The following AP4M1 variants were observed in gnomAD, a reference collection of about 807,000 sequenced individuals.
AP4M1 encodes the protein adaptor related protein complex 4 subunit mu 1.
Under a neutral mutation model 62.4 loss-of-function variants are expected in AP4M1, and 58 were observed. The observed-to-expected ratio is 0.93, with a 90% confidence interval of 0.75 to 1.16. The LOEUF (loss-of-function observed/expected upper bound fraction) is 1.16. Among genes scored for constraint, AP4M1 ranks in the 50% most tolerant of loss-of-function variants. AP4M1 has a pLI of 0.00. For missense variants in AP4M1, 626 were observed against 585.4 expected, an observed-to-expected ratio of 1.07 and a Z score of -0.72; for synonymous variants, 290 against 239.7, an observed-to-expected ratio of 1.21 and a Z score of -1.94.
chr7:100,101,529 T>C (rs1796029849), upstream of AP4M1: 5 of 790,708 alleles, frequency 6.3e-6, no homozygotes, highest in South Asian at 4.6e-5. Flanking sequence ...GGGGAGGCGG[T>C]GCGGGCGTCG....
At position 100,101,726 on chromosome 7, in the gene AP4M1, A is replaced by G. The variant is rs568292146; in HGVS notation, c.12A>G (p.Gln4=). The part of the protein sequence containing the change: MIS[Q]FFILSSKGDP... The stretch of plus-strand genomic sequence containing the variant: ...TCTCCAGAACGGCCATGATTTCCCA[A>G]TTCTTCATTCTGTCCTCCAAGGGGG... Residue 4 remains glutamine (Q), a synonymous_variant, in exon 1 of 15, where the codon CAA becomes CAG. Coordinates refer to ENST00000359593, the MANE Select transcript of AP4M1 (RefSeq NM_004722.4). 69 of 1,584,506 alleles carry G rather than the reference A, an allele frequency of 4.4e-5. No individual in the cohort carries two copies. The highest frequency in any genetic ancestry group is 1.7e-4 in the Middle Eastern group (1 of 5,918).
In AP4M1 at chr7:100,101,675, C is replaced by A. The variant is rs762699590; in HGVS notation, c.-40C>A. The stretch of plus-strand genomic sequence containing the variant: ...TCCGGGGCCGCAGGGCGGGGCAGGC[C>A]CGACTTTCGCCGTCTTCTTGTCTAC... On this transcript the variant is annotated 5_prime_UTR_variant, in exon 1 of 15. Transcript: ENST00000359593. The A allele has an allele frequency of 6.3e-7, 1 of 1,591,934 alleles. No homozygotes were observed. Among genetic ancestry groups the A allele is most frequent in the Non-Finnish European group, 8.6e-7 (1 of 1,160,556 alleles).
Position 100,107,588 on chromosome 7 carries a change from A to G in AP4M1, c.*706A>G, listed in dbSNP as rs1156740822. On this transcript the variant is annotated 3_prime_UTR_variant, in exon 15 of 15. Transcript: ENST00000359593. Reference sequence around the variant, plus strand: ...TGGTGACGGGCGAAGTGGTGGTGGAACCTGAGCCGGGGGCCGAGGTGCTGA... The same window carrying G: ...TGGTGACGGGCGAAGTGGTGGTGGAGCCTGAGCCGGGGGCCGAGGTGCTGA... 1 of 1,613,478 alleles carries G rather than the reference A, an allele frequency of 6.2e-7. No individual in the cohort carries two copies. The highest frequency in any genetic ancestry group is 2.2e-5 in the East Asian group (1 of 44,862).
In AP4M1 at chr7:100,108,282, C is replaced by G; in HGVS notation, c.*1400C>G. The G allele has an allele frequency of 6.7e-7, 1 of 1,499,598 alleles. No homozygotes were observed. The highest frequency in any genetic ancestry group is 8.9e-7 in the Non-Finnish European group (1 of 1,125,384). The allele number at this position is 1,499,598 out of a possible 1,614,324, so 92.9% of individuals were successfully genotyped here. On this transcript the variant is annotated 3_prime_UTR_variant, in exon 15 of 15. Transcript: ENST00000359593. ...TTGCCCTGAGACTACTGACTGAGGG[C>G]ACATGTGGCTGTGTGCAAGTGCCTG...
At position 100,105,075 on chromosome 7, in the gene AP4M1, G is replaced by C. The variant is rs149820983; in HGVS notation, c.704G>C (p.Cys235Ser). The change falls in exon 9 of 15, where the codon TGT becomes TCT. Residue 235 changes from cysteine to serine, a missense_variant. Transcript: ENST00000359593. ...EMRIGLTEEF[C>S]VGKSELRGYG... ...CGCATTGGCTTGACGGAAGAGTTTT[G>C]TGTGGGGAAGTCAGAGCTGAGAGGT... The C allele has an allele frequency of 6.2e-7, 1 of 1,614,172 alleles. No individual in the cohort carries two copies. Among genetic ancestry groups the C allele is most frequent in the Non-Finnish European group, 8.5e-7 (1 of 1,180,040 alleles).
chr7:100,107,027 C>G lies in AP4M1; in HGVS notation c.*145C>G, dbSNP rs1796572699. 8.1e-7 allele frequency: 1 copy of G among 1,232,454 alleles called. No individual in the cohort carries two copies. Among genetic ancestry groups the G allele is most frequent in the Non-Finnish European group, 1.1e-6 (1 of 872,324 alleles). The allele number at this position is 1,232,454 out of a possible 1,614,324, so 76.3% of individuals were successfully genotyped here. On this transcript the variant is annotated 3_prime_UTR_variant, in exon 15 of 15. Coordinates refer to ENST00000359593, the MANE Select transcript of AP4M1 (RefSeq NM_004722.4). ...CCAAGACCAGGAGGGGGCAATGGGC[C>G]CAGCCTTTCTGTGGTATCTGATGCA...
intron 2 of AP4M1, chr7:100,102,361 A>T: frequency 2.0e-6 from 1 of 509,320 alleles, no homozygotes; most frequent in East Asian, 3.7e-5. Context: ...ACCGCACTCC[A>T]GCCTGGGAGA....
chr7:100,104,031 TGTCC>T (rs1367417047), intron 6 of AP4M1, 57 bp from the exon 7 acceptor site: 15 of 1,450,668 alleles, frequency 1.0e-5, no homozygotes, highest in Admixed American at 8.4e-5. Flanking sequence ...TCTCCCTGTC[TGTCC>T]ATTTCAGAAC....
chr7:100,101,354 C>G (rs1796018474), upstream of AP4M1: 2 of 1,607,894 alleles, frequency 1.2e-6, no homozygotes, highest in South Asian at 1.1e-5. Context: ...CCTGGGGAAG[C>G]TGAGAATCTC....
In AP4M1 at chr7:100,106,289, C is replaced by G; in HGVS notation, c.1023C>G (p.Val341=). The change falls in exon 13 of 15, where the codon GTC becomes GTG. Residue 341 remains valine (V), a splice_region_variant and synonymous_variant. Transcript: ENST00000359593. The stretch of plus-strand genomic sequence containing the variant: ...ACCTCCCCCTGCCTCGAGGGGTGGT[C>G]AGGTGAGTGTGTGCACCCACCACGG... ...RLHLPLPRGV[V]SLSQELSSPE... 7 of 1,614,006 alleles carry G rather than the reference C, an allele frequency of 4.3e-6. No homozygotes were observed. Among genetic ancestry groups the G allele is most frequent in the Non-Finnish European group, 5.9e-6 (7 of 1,179,996 alleles).
rs1348528601 is a variant in AP4M1, at chr7:100,107,927, T to C, written c.*1045T>C. The C allele has an allele frequency of 6.2e-7, 1 of 1,607,266 alleles. No individual in the cohort carries two copies. Among genetic ancestry groups the C allele is most frequent in the Admixed American group, 1.7e-5 (1 of 59,734 alleles). On this transcript the variant is annotated 3_prime_UTR_variant, in exon 15 of 15. Transcript: ENST00000359593. ...TCCCTGTCCCACAGCTCTGCATACC[T>C]GCTGGGTGGATGGGGCGCTGGAGGA...
chr7:100,104,490 C>T (rs369044143), intron 7 of AP4M1, among the ~76,000 whole-genome samples: 2 of 151,492 alleles, frequency 1.3e-5, no homozygotes, highest in African/African-American at 2.4e-5. Flanking sequence ...AGTCACTGCA[C>T]GCTAGCCCGG....
chr7:100,101,843 G>A (rs1196185012), intron 1 of AP4M1, 37 bp from the exon 2 acceptor site: 2 of 1,612,382 alleles, frequency 1.2e-6, no homozygotes, highest in African/African-American at 2.7e-5. Flanking sequence ...GCCAGCCTGT[G>A]TCGCAGGATC....
At chr7:100,106,044 A>T in intron 12 of AP4M1, 41 bp downstream of exon 12, 3 of 1,611,676 alleles carry the variant, frequency 1.9e-6, no homozygotes, top group Non-Finnish European at 2.5e-6. Flanking sequence ...GCTCTATGGG[A>T]CGGAAGACAG....
chr7:100,105,026 A>T lies in AP4M1; in HGVS notation c.674-19A>T, dbSNP rs1010643109. ...ACCATGGCATTGCTGAGCTCTCCTG[A>T]TGGTCTCTCCTCCGACAGAGATGCG... On this transcript the variant is annotated intron_variant, in intron 8 of 14. Coordinates refer to ENST00000359593, the MANE Select transcript of AP4M1 (RefSeq NM_004722.4). 2 of 1,614,022 alleles carry T rather than the reference A, an allele frequency of 1.2e-6. No homozygotes were observed. The highest frequency in any genetic ancestry group is 1.7e-5 in the Admixed American group (1 of 60,004).
chr7:100,101,130 G>A (rs947501721), upstream of AP4M1: 5 of 1,139,350 alleles, frequency 4.4e-6, no homozygotes, highest in Admixed American at 2.0e-5. Context: ...CCAGGCCGCA[G>A]CTCGACCCTG....
chr7:100,106,383 C>T lies in AP4M1; in HGVS notation c.1026-20C>T, dbSNP rs371922404. 9 of 1,613,230 alleles carry T rather than the reference C, an allele frequency of 5.6e-6. No individual in the cohort carries two copies. Among genetic ancestry groups the T allele is most frequent in the Non-Finnish European group, 7.6e-6 (9 of 1,179,820 alleles). On this transcript the variant is annotated intron_variant, in intron 13 of 14. Transcript: ENST00000359593. ...CTCAAGAAGGTGCCAAGCCCAGCACCTTCCCTTTCCAAACTCCAGCCTGTC... is the reference window on the plus strand; with the variant it reads ...CTCAAGAAGGTGCCAAGCCCAGCACTTTCCCTTTCCAAACTCCAGCCTGTC...
In AP4M1 at chr7:100,102,871, A is replaced by T; in HGVS notation, c.262A>T (p.Thr88Ser). 6.2e-7 allele frequency: 1 copy of T among 1,614,030 alleles called. No individual in the cohort carries two copies. Among genetic ancestry groups the T allele is most frequent in the South Asian group, 1.1e-5 (1 of 91,072 alleles). Residue 88 changes from threonine (T) to serine (S), a missense_variant, in exon 4 of 15, where the codon ACC becomes TCC. By Grantham distance (58) the Thr-to-Ser change is moderately conservative. Coordinates refer to ENST00000359593, the MANE Select transcript of AP4M1 (RefSeq NM_004722.4). The stretch of plus-strand genomic sequence containing the variant: ...CTCCAAGTGTTTCCTCAGGTTGGCC[A>T]CCCTTCTGGGCGATTACTGTGGCTC... ...SLLELLSRLA[T>S]LLGDYCGSLG...
At position 100,107,369 on chromosome 7, in the gene AP4M1, T is replaced by TGGGGAC; in HGVS notation, c.*495_*500dup. On this transcript the variant is annotated 3_prime_UTR_variant, in exon 15 of 15. Coordinates refer to ENST00000359593, the MANE Select transcript of AP4M1 (RefSeq NM_004722.4). ...CCCCACAAAGGGCACTGCCGCTGAG[T>TGGGGAC]GGGGACGGGGACGATGCCGGGGGAG... is the stretch of plus-strand genomic sequence containing the variant. The TGGGGAC allele has an allele frequency of 6.3e-7, 1 of 1,578,650 alleles. No individual in the cohort carries two copies. The highest frequency in any genetic ancestry group is 8.6e-7 in the Non-Finnish European group (1 of 1,159,274).
Sources: gnomAD v4.1 joint callset for allele counts (sites outside exome capture counted in the v4.1 genomes callset) on GRCh38, gnomAD v4.1.1 for gene constraint, MANE v1.5 for transcripts, NCBI Gene and HGNC (gene_info 2026-07-23, HGNC 2026-07-21) for gene names.